Variants in CDC42BPA observed in about 807,000 individuals in gnomAD.
CDC42BPA encodes CDC42 binding protein kinase alpha.
Under a neutral mutation model 223.5 loss-of-function variants are expected in CDC42BPA, and 80 were observed. The ratio of observed to expected loss-of-function variants is 0.36; its 90% confidence interval spans 0.30 to 0.43. The LOEUF (loss-of-function observed/expected upper bound fraction) is 0.43, where lower values mean the gene tolerates loss of function less well. Among genes scored for constraint, CDC42BPA ranks in the 20% least tolerant of loss-of-function variants. The pLI is 1.00. For synonymous variants in CDC42BPA, 694 were observed against 718.6 expected, an observed-to-expected ratio of 0.97 and a Z score of 0.55; for missense variants, 1,743 against 2,099.9, an observed-to-expected ratio of 0.83 and a Z score of 3.32.
At chr1:227,211,513 C>T (rs12068632) in intron 3 of CDC42BPA, among the ~76,000 whole-genome samples, 47,880 of 151,832 alleles carry the variant, frequency 0.32, 7,774 homozygotes, top group South Asian at 0.41. Context: ...TGTCCATTAA[C>T]GCAGGACTGA....
intron 1 of CDC42BPA, among the ~76,000 whole-genome samples, chr1:227,286,605 A>G (rs1215570691): frequency 3.9e-5 from 6 of 152,122 alleles, no homozygotes; most frequent in Admixed American, 6.5e-5. Flanking sequence ...TTCCAAAGCC[A>G]CTTCCACATT....
At chr1:227,268,632 T>TATATATATATA (rs1685435959) in intron 1 of CDC42BPA, among the ~76,000 whole-genome samples, 5 of 131,982 alleles carry the variant, frequency 3.8e-5, no homozygotes, top group Non-Finnish European at 7.9e-5. Context: ...ATATAGTATG[T>TATATATATATA]GTATATATAT....
intron 5 of CDC42BPA, among the ~76,000 whole-genome samples, chr1:227,179,635 C>CAAAAAAAAAAAAAAAAAAA (rs59744442): frequency 8.8e-5 from 3 of 34,242 alleles, no homozygotes; most frequent in Admixed American, 6.0e-4. Context: ...GCCTCCATCT[C>CAAAAAAAAAAAAAAAAAAA]AAAAAAAAAA....
chr1:227,038,973 G>A (rs1393478773), intron 24 of CDC42BPA, among the ~76,000 whole-genome samples: 1 of 152,138 alleles, frequency 6.6e-6, no homozygotes, highest in East Asian at 1.9e-4. Context: ...GAGAAATATA[G>A]CCAAAGCTTT....
intron 5 of CDC42BPA, among the ~76,000 whole-genome samples, chr1:227,193,064 T>C (rs1351549418): frequency 4.5e-5 from 4 of 88,070 alleles, no homozygotes; most frequent in African/African-American, 1.8e-4. Context: ...AAGTGAGAAC[T>C]TTTTTTTTTT....
chr1:227,203,253 G>A (rs976992932), intron 3 of CDC42BPA, among the ~76,000 whole-genome samples: 6 of 152,132 alleles, frequency 3.9e-5, no homozygotes, highest in African/African-American at 9.7e-5. Context: ...CACAGGCTAC[G>A]TTTTTGCTTC....
At position 227,264,927 on chromosome 1, in the gene CDC42BPA, C is replaced by A. The variant is rs775948316; in HGVS notation, c.179-10772G>T. 5.7e-6 allele frequency: 7 copies of A among 1,227,496 alleles called. No homozygotes were observed. The Admixed American group carries it at 8.4e-5, about 15-fold the overall frequency. The allele number at this position is 1,227,496 out of a possible 1,614,324, so 76.0% of individuals were successfully genotyped here. On this transcript the variant is annotated intron_variant, in intron 1 of 36. Transcript: ENST00000366766. The stretch of plus-strand genomic sequence containing the variant: ...TCAGATACCAGCTCAATACCCCACT[C>A]GGTATATTCATGGATTATCTCTTCC...
intron 2 of CDC42BPA, among the ~76,000 whole-genome samples, chr1:227,227,763 G>A (rs372349941): frequency 1.1e-4 from 16 of 152,048 alleles, no homozygotes; most frequent in Admixed American, 6.5e-4. Context: ...AATCTAACAC[G>A]GGACCATATA....
intron 10 of CDC42BPA, among the ~76,000 whole-genome samples, chr1:227,135,431 G>A (rs1439460069): frequency 1.3e-5 from 2 of 152,114 alleles, no homozygotes; most frequent in Admixed American, 1.3e-4. Flanking sequence ...AATGGTATAG[G>A]GCAGAAGGCT....
At chr1:227,283,183 A>C (rs1688271532) in intron 1 of CDC42BPA, among the ~76,000 whole-genome samples, 1 of 152,158 alleles carries the variant, frequency 6.6e-6, no homozygotes, top group Admixed American at 6.5e-5. Flanking sequence ...ATATTGATAC[A>C]ACAGTATGTT....
At chr1:227,083,503 C>T (rs116511932) in intron 16 of CDC42BPA, among the ~76,000 whole-genome samples, 22 of 152,194 alleles carry the variant, frequency 1.4e-4, no homozygotes, top group African/African-American at 4.3e-4. Flanking sequence ...CGAACTCCTG[C>T]GGGTCTGTTT....
At chr1:227,190,805 T>C (rs1452523348) in intron 5 of CDC42BPA, among the ~76,000 whole-genome samples, 4 of 151,884 alleles carry the variant, frequency 2.6e-5, no homozygotes, top group East Asian at 1.9e-4. Context: ...ATTAACACAA[T>C]GGAGCATCCA....
intron 1 of CDC42BPA, among the ~76,000 whole-genome samples, chr1:227,284,641 A>C (rs1688529005): frequency 6.6e-6 from 1 of 152,202 alleles, no homozygotes. Context: ...CTCTTGCTGG[A>C]AACCCAAGTT....
chr1:227,170,524 T>G (rs1665923506), intron 5 of CDC42BPA, among the ~76,000 whole-genome samples: 1 of 152,072 alleles, frequency 6.6e-6, no homozygotes, highest in Non-Finnish European at 1.5e-5. Flanking sequence ...GGGTGTATGG[T>G]GGACAGAGAT....
At chr1:227,203,902 C>T (rs981729294) in intron 3 of CDC42BPA, among the ~76,000 whole-genome samples, 7 of 152,268 alleles carry the variant, frequency 4.6e-5, no homozygotes, top group Middle Eastern at 3.4e-3. Context: ...ACACAGGATT[C>T]TCTTCATCGT....
intron 22 of CDC42BPA, among the ~76,000 whole-genome samples, chr1:227,050,023 A>G (rs1673216919): frequency 6.6e-6 from 1 of 152,196 alleles, no homozygotes; most frequent in Non-Finnish European, 1.5e-5. Context: ...CTATTTTAAA[A>G]TCAAAACTTT....
Position 226,993,232 on chromosome 1 carries a change from C to A in CDC42BPA, c.*1036G>T, listed in dbSNP as rs1371564436. ...TTGTTTTCTGCACCTTCAGAAGCTA[C>A]AACACTCCTTGTAACCTTTCAGATG... On this transcript the variant is annotated 3_prime_UTR_variant, in exon 37 of 37. Coordinates refer to ENST00000366766, the MANE Select transcript of CDC42BPA (RefSeq NM_001394014.1). 6.6e-6 allele frequency: 1 copy of A among 152,190 alleles called. No individual in the cohort carries two copies. The highest frequency in any genetic ancestry group is 1.9e-4 in the East Asian group (1 of 5,206). The allele number at this position is 152,190 out of a possible 1,614,324, so 9.4% of individuals were successfully genotyped here.
chr1:227,214,660 A>G (rs1674516942), intron 2 of CDC42BPA, among the ~76,000 whole-genome samples: 1 of 152,274 alleles, frequency 6.6e-6, no homozygotes, highest in South Asian at 2.1e-4. Context: ...CACACAGAAC[A>G]CTATGACTTA....
At chr1:227,106,332 T>C (rs973573740) in intron 14 of CDC42BPA, among the ~76,000 whole-genome samples, 1 of 152,212 alleles carries the variant, frequency 6.6e-6, no homozygotes, top group African/African-American at 2.4e-5. Flanking sequence ...ATAATCTGGA[T>C]ATTAAATTGT....
Sources: allele counts gnomAD v4.1 joint callset (sites outside exome capture counted in the v4.1 genomes callset), GRCh38; gene constraint gnomAD v4.1.1; transcripts MANE v1.5; gene names NCBI Gene and HGNC (gene_info 2026-07-23, HGNC 2026-07-21).